The following PCDHGB2 variants were observed in gnomAD, a reference collection of about 807,000 sequenced individuals.
The protein encoded by PCDHGB2 is protocadherin gamma-B2.
Under a neutral mutation model 59.3 loss-of-function variants are expected in PCDHGB2, and 55 were observed. That is an observed-to-expected ratio of 0.93 (90% CI 0.75 to 1.16). The LOEUF (loss-of-function observed/expected upper bound fraction) is 1.16. Among genes scored for constraint, PCDHGB2 ranks in the 50% most tolerant of loss-of-function variants. The pLI is 0.00. For missense variants in PCDHGB2, 1,228 were observed against 1,198.5 expected (o/e 1.02, Z -0.36); for synonymous variants, 516 against 512.0 (o/e 1.01, Z -0.11).
intron 1 of PCDHGB2, chr5:141,404,979 G>A (rs771576875): frequency 6.2e-7 from 1 of 1,613,994 alleles, no homozygotes; most frequent in Non-Finnish European, 8.5e-7. Context: ...GCTGACCTGG[G>A]CAGTCTTCAG....
chr5:141,393,690 C>T (rs779487285), intron 1 of PCDHGB2: 4 of 1,613,752 alleles, frequency 2.5e-6, no homozygotes, highest in Non-Finnish European at 2.5e-6. Context: ...TCCGTTATTC[C>T]AGCTTAATGA....
chr5:141,474,518 G>T (rs1054372142), intron 1 of PCDHGB2, among the ~76,000 whole-genome samples: 1 of 152,168 alleles, frequency 6.6e-6, no homozygotes, highest in African/African-American at 2.4e-5. Context: ...CCTCTTGCTG[G>T]TCTGGCTAAT....
rs1769382213 is a variant in PCDHGB2 at position 141,373,189 on chromosome 5, T to C, written c.2421+10633T>C. On this transcript the variant is annotated intron_variant, in intron 1 of 3. Coordinates refer to ENST00000522605, the MANE Select transcript of PCDHGB2 (RefSeq NM_018923.3). The stretch of plus-strand genomic sequence containing the variant: ...GTCAATCCTAAAATATATGAAACAT[T>C]ATGTATATCTTAACACATTTTTAAT... 2.0e-5 allele frequency among the ~76,000 whole-genome samples: 3 copies of C among 152,380 alleles called. No individual in the cohort carries two copies. In the Middle Eastern group the frequency reaches 0.01, roughly 518 times the overall value.
At chr5:141,386,308 A>G (rs1057447717) in intron 1 of PCDHGB2, among the ~76,000 whole-genome samples, 5 of 152,236 alleles carry the variant, frequency 3.3e-5, no homozygotes, top group African/African-American at 4.8e-5. Flanking sequence ...AAAGCTCAGT[A>G]TATCAAGTGA....
intron 1 of PCDHGB2, chr5:141,414,621 C>G: frequency 6.2e-7 from 1 of 1,613,996 alleles, no homozygotes; most frequent in Non-Finnish European, 8.5e-7. Flanking sequence ...CAGCGCTGGA[C>G]CCGGACAGCA....
intron 1 of PCDHGB2, chr5:141,415,463 T>G: frequency 6.2e-7 from 1 of 1,614,228 alleles, no homozygotes; most frequent in South Asian, 1.1e-5. Flanking sequence ...GAGGTCTCTC[T>G]CACCGCGGAC....
At chr5:141,399,304 T>C (rs756847972) in intron 1 of PCDHGB2, 1 of 1,613,956 alleles carries the variant, frequency 6.2e-7, no homozygotes, top group Admixed American at 1.7e-5. Context: ...GATTATCTCT[T>C]CATCCAAAAA....
At chr5:141,406,346 G>T (rs1296474677) in intron 1 of PCDHGB2, among the ~76,000 whole-genome samples, 2 of 152,092 alleles carry the variant, frequency 1.3e-5, no homozygotes, top group Non-Finnish European at 2.9e-5. Flanking sequence ...ATTTATTCAG[G>T]TCATACTATG....
chr5:141,392,862 T>C (rs1334405895), intron 1 of PCDHGB2: 2 of 1,612,696 alleles, frequency 1.2e-6, no homozygotes, highest in Non-Finnish European at 1.7e-6. Flanking sequence ...GATCCTGCTG[T>C]GCGCGCTGCT....
At chr5:141,464,861 C>G (rs1178430383) in intron 1 of PCDHGB2, among the ~76,000 whole-genome samples, 1 of 152,134 alleles carries the variant, frequency 6.6e-6, no homozygotes, top group Non-Finnish European at 1.5e-5. Flanking sequence ...ACCTTAGCCT[C>G]CCAAGTAGCT....
At chr5:141,375,787 C>T (rs759753735) in intron 1 of PCDHGB2, 1 of 1,614,256 alleles carries the variant, frequency 6.2e-7, no homozygotes, top group South Asian at 1.1e-5. Flanking sequence ...CCGCCCTCCC[C>T]ACAGACGGTT....
At chr5:141,423,025 G>A in intron 1 of PCDHGB2, 1 of 1,614,222 alleles carries the variant, frequency 6.2e-7, no homozygotes, top group Non-Finnish European at 8.5e-7. Context: ...CAAAGATTCA[G>A]GCCAGAACGC....
Position 141,361,114 on chromosome 5 carries a change from C to G in PCDHGB2, c.979C>G (p.Leu327Val), listed in dbSNP as rs1440406378. 11 of 1,613,872 alleles carry G rather than the reference C, an allele frequency of 6.8e-6. No individual in the cohort carries two copies. The highest frequency in any genetic ancestry group is 4.5e-5 in the East Asian group (2 of 44,896). Residue 327 changes from leucine to valine, a missense_variant, in exon 1 of 4, where the codon CTA (leucine) becomes GTA (valine). Coordinates refer to ENST00000522605, the MANE Select transcript of PCDHGB2 (RefSeq NM_018923.3). Reference sequence around the variant, plus strand: ...TATCGAAGCAAAAGATCCTGGAGATCTAGCAGCCCACTGCAGTATCCAAGT... The same window carrying G: ...TATCGAAGCAAAAGATCCTGGAGATGTAGCAGCCCACTGCAGTATCCAAGT... Reference protein sequence around the residue: ...LSIEAKDPGDLAAHCSIQVEI... With the variant: ...LSIEAKDPGDVAAHCSIQVEI...
At chr5:141,507,724 G>A (rs2099862962) in intron 3 of PCDHGB2, among the ~76,000 whole-genome samples, 1 of 152,256 alleles carries the variant, frequency 6.6e-6, no homozygotes. Context: ...CTCCAAGCAA[G>A]TCATGCAGCT....
intron 1 of PCDHGB2, among the ~76,000 whole-genome samples, chr5:141,363,990 A>T (rs1763134181): frequency 6.6e-6 from 1 of 152,268 alleles, no homozygotes; most frequent in South Asian, 2.1e-4. Flanking sequence ...TTAAAGCTGA[A>T]TTAACGGTCA....
chr5:141,365,419 A>G (rs747311878), intron 1 of PCDHGB2: 4 of 1,613,996 alleles, frequency 2.5e-6, no homozygotes, highest in Non-Finnish European at 3.4e-6. Context: ...GTCTTCCCGG[A>G]ACTGTAATCG....
At chr5:141,424,748 A>G (rs1218712198) in intron 1 of PCDHGB2, 3 of 152,034 alleles carry the variant, frequency 2.0e-5, no homozygotes, top group African/African-American at 4.8e-5. Flanking sequence ...TTCTTTCTTT[A>G]TAAGGTCATT....
At chr5:141,403,877 T>A in intron 1 of PCDHGB2, 1 of 1,613,796 alleles carries the variant, frequency 6.2e-7, no homozygotes, top group Non-Finnish European at 8.5e-7. Context: ...AAGTCTAGAT[T>A]ATGAAGAATG....
chr5:141,413,953 C>A, intron 1 of PCDHGB2: 1 of 1,613,310 alleles, frequency 6.2e-7, no homozygotes, highest in Non-Finnish European at 8.5e-7. Context: ...TGAGAATTTG[C>A]CTGTGGGCAC....
Sources: gnomAD v4.1 joint callset for allele counts (sites outside exome capture counted in the v4.1 genomes callset) on GRCh38, gnomAD v4.1.1 for gene constraint, MANE v1.5 for transcripts, NCBI Gene and HGNC (gene_info 2026-07-23, HGNC 2026-07-21) for gene names.